NFIB: variants seen among roughly 807,000 people sequenced by gnomAD.
The protein encoded by NFIB is nuclear factor 1 B-type.
Under a neutral mutation model 61.5 loss-of-function variants are expected in NFIB, and 11 were observed. The observed-to-expected ratio is 0.18, with a 90% CI of 0.11 to 0.30. The LOEUF is 0.30. NFIB is among the 10% of genes least tolerant of loss of function. NFIB has a pLI of 1.00. For missense variants in NFIB, 471 were observed against 608.9 expected, an observed-to-expected ratio of 0.77 and a Z score of 2.38; for synonymous variants, 260 against 216.5, an observed-to-expected ratio of 1.20 and a Z score of -1.76.
At chr9:14,515,925 G>T in the NFIB span, among the ~76,000 whole-genome samples, 1 of 152,232 alleles carries the variant, frequency 6.6e-6, no homozygotes, top group East Asian at 1.9e-4. Context: ...CGAGCAGCTA[G>T]ACTAGCCTGG....
chr9:14,396,940 T>C (rs142616467), intron 1 of NFIB, among the ~76,000 whole-genome samples: 38 of 152,322 alleles, frequency 2.5e-4, no homozygotes, highest in African/African-American at 7.7e-4. Context: ...AGGACCATTG[T>C]TATAGCCTGC....
intron 2 of NFIB, among the ~76,000 whole-genome samples, chr9:14,281,874 G>C (rs1046327926): frequency 3.9e-5 from 6 of 151,992 alleles, no homozygotes; most frequent in African/African-American, 1.5e-4. Flanking sequence ...AATTAATTCA[G>C]TGAACATAAG....
rs1274426112 is a variant in NFIB, at chr9:14,307,842, T to C, written c.31-322A>G. 2.0e-5 allele frequency: 4 copies of C among 204,630 alleles called. No individual in the cohort carries two copies. Among genetic ancestry groups the C allele is most frequent in the Non-Finnish European group, 2.0e-5 (2 of 100,122 alleles). The allele number at this position is 204,630 out of a possible 1,614,324, so 12.7% of individuals were successfully genotyped here. ...GCCATGCATTCTACATTCTTTAAAATATAGGCAACTAACTAAGGTGCTTGG... is the reference window on the plus strand; with the variant it reads ...GCCATGCATTCTACATTCTTTAAAACATAGGCAACTAACTAAGGTGCTTGG... On this transcript the variant is annotated intron_variant, in intron 1 of 10. Coordinates refer to ENST00000380953, the MANE Select transcript of NFIB (RefSeq NM_001190737.2). The surrounding 1 kb of genome is among the most constrained non-coding windows in gnomAD (Gnocchi z 5.3).
intron 2 of NFIB, among the ~76,000 whole-genome samples, chr9:14,184,867 C>T (rs998297487): frequency 6.6e-6 from 1 of 152,000 alleles, no homozygotes; most frequent in African/African-American, 2.4e-5. Flanking sequence ...CCAAAAAATA[C>T]AAAAAAGTAG....
intron 6 of NFIB, among the ~76,000 whole-genome samples, chr9:14,134,258 T>C (rs569167821): frequency 2.0e-5 from 3 of 152,324 alleles, no homozygotes; most frequent in South Asian, 2.1e-4. Flanking sequence ...CTAGGGAATG[T>C]AAATTGATAA....
At chr9:14,441,467 T>C in the NFIB span, among the ~76,000 whole-genome samples, 2 of 152,242 alleles carry the variant, frequency 1.3e-5, no homozygotes, top group East Asian at 3.8e-4. Flanking sequence ...TGAAACCTTA[T>C]GCGGTGATTT....
chr9:14,284,976 A>G (rs1055226314), intron 2 of NFIB, among the ~76,000 whole-genome samples: 26 of 152,222 alleles, frequency 1.7e-4, no homozygotes, highest in African/African-American at 5.8e-4. Flanking sequence ...GGTCTCCTAC[A>G]TAAGCAGCAT....
chr9:14,463,829 T>G, the NFIB span, among the ~76,000 whole-genome samples: 13 of 151,880 alleles, frequency 8.6e-5, no homozygotes, highest in Non-Finnish European at 1.8e-4. Flanking sequence ...CCCGGCTAAT[T>G]TTTTGTATTT....
the NFIB span, among the ~76,000 whole-genome samples, chr9:14,447,716 G>A: frequency 6.6e-6 from 1 of 151,942 alleles, no homozygotes; most frequent in Non-Finnish European, 1.5e-5. Context: ...TAATTCTTTG[G>A]GATACAGGCA....
At chr9:14,208,225 C>A (rs2049950568) in intron 2 of NFIB, among the ~76,000 whole-genome samples, 1 of 151,902 alleles carries the variant, frequency 6.6e-6, no homozygotes, top group Admixed American at 6.6e-5. Context: ...TACAACAAAG[C>A]AATACGTGGT....
chr9:14,095,306 A>T (rs1275243963), intron 10 of NFIB, among the ~76,000 whole-genome samples: 3 of 152,168 alleles, frequency 2.0e-5, no homozygotes, highest in Non-Finnish European at 2.9e-5. Context: ...ATTATAAATA[A>T]ATTACAGTAC....
chr9:14,427,955 T>G, the NFIB span, among the ~76,000 whole-genome samples: 2 of 120,020 alleles, frequency 1.7e-5, no homozygotes, highest in Non-Finnish European at 3.5e-5. Context: ...TTTTTTTTTT[T>G]TTTTTTTTTG....
chr9:14,143,597 T>G (rs2041979578), intron 6 of NFIB, among the ~76,000 whole-genome samples: 1 of 152,172 alleles, frequency 6.6e-6, no homozygotes, highest in Non-Finnish European at 1.5e-5. Context: ...TCTGCCCATT[T>G]TAAACACAAG....
chr9:14,441,158 G>T, the NFIB span, among the ~76,000 whole-genome samples: 1 of 144,332 alleles, frequency 6.9e-6, no homozygotes, highest in Non-Finnish European at 1.5e-5. Context: ...AAAAAGGAGA[G>T]AGAAAACAAA....
At chr9:14,510,472 A>T in the NFIB span, among the ~76,000 whole-genome samples, 1 of 152,180 alleles carries the variant, frequency 6.6e-6, no homozygotes, top group African/African-American at 2.4e-5. Flanking sequence ...TTTAAACCAA[A>T]ATCTTGGGGA....
At chr9:14,401,533 T>C (rs75255940), upstream of NFIB, among the ~76,000 whole-genome samples, 2,775 of 152,302 alleles carry the variant, frequency 0.018, 109 homozygotes, top group African/African-American at 0.063. Flanking sequence ...TCCTATCCTA[T>C]AAATAGTTAC....
At chr9:14,418,116 G>C in the NFIB span, among the ~76,000 whole-genome samples, 2 of 152,098 alleles carry the variant, frequency 1.3e-5, no homozygotes. Context: ...CCCAGGAAGT[G>C]TTAATGTACT....
chr9:14,315,579 C>T (rs930068290), upstream of NFIB, among the ~76,000 whole-genome samples: 2 of 144,536 alleles, frequency 1.4e-5, no homozygotes, highest in Non-Finnish European at 3.1e-5. Flanking sequence ...CGCTGCAGCC[C>T]TCCAGAGGCT....
chr9:14,173,853 G>C (rs12335813), intron 3 of NFIB, among the ~76,000 whole-genome samples: 2 of 151,624 alleles, frequency 1.3e-5, no homozygotes, highest in African/African-American at 4.8e-5. Context: ...CCCTTTTTTT[G>C]ACTCTTTCAC....
Sources: gnomAD v4.1 joint callset for allele counts (sites outside exome capture counted in the v4.1 genomes callset) on GRCh38, gnomAD v4.1.1 for gene constraint, Gnocchi (gnomAD v3.1) non-coding constraint, MANE v1.5 for transcripts, NCBI Gene and HGNC (gene_info 2026-07-23, HGNC 2026-07-21) for gene names.